The following NCAN variants were observed in gnomAD, a reference collection of about 807,000 sequenced individuals.
The protein encoded by NCAN is neurocan core protein.
In NCAN, 47 loss-of-function variants were observed where a neutral mutation model predicts 121.8. That is an observed-to-expected ratio of 0.39 (90% CI 0.31 to 0.49). The LOEUF (loss-of-function observed/expected upper bound fraction) is 0.49. Among genes scored for constraint, NCAN ranks in the 20% least tolerant of loss-of-function variants. The pLI, the probability that NCAN is intolerant of heterozygous loss-of-function variation, is 0.92. For synonymous variants in NCAN, 633 were observed against 702.0 expected, an observed-to-expected ratio of 0.90 and a Z score of 1.55; for missense variants, 1,517 against 1,773.4, an observed-to-expected ratio of 0.86 and a Z score of 2.60.
chr19:19,216,550 T>C (rs1205881802), intron 1 of NCAN, among the ~76,000 whole-genome samples: 5 of 152,146 alleles, frequency 3.3e-5, no homozygotes, highest in Admixed American at 2.6e-4. Flanking sequence ...GACCTCGTGA[T>C]CCACCCTCCT....
chr19:19,216,908 C>A, intron 1 of NCAN, 39 bp from the exon 2 acceptor site: 2 of 1,219,418 alleles, frequency 1.6e-6, no homozygotes, highest in Admixed American at 3.1e-5. Context: ...GAGGGTTGGG[C>A]TGTGGCTCAC....
Position 19,226,955 on chromosome 19 carries a change from G to A in NCAN, c.1542G>A (p.Glu514=), listed in dbSNP as rs755745722. The change falls in exon 7 of 15, where the codon GAG becomes GAA. Residue 514 remains glutamate (E), a synonymous_variant. Transcript: ENST00000252575. Reference sequence around the variant, plus strand: ...CCAGCGCCCAGCCCCCCACCTCAGAGGCTGCAGTGAACCAAATGGAGCCTC... The same window carrying A: ...CCAGCGCCCAGCCCCCCACCTCAGAAGCTGCAGTGAACCAAATGGAGCCTC... ...MEASAQPPTS[E]AAVNQMEPPL... 3 of 1,561,678 alleles carry A rather than the reference G, an allele frequency of 1.9e-6. No homozygotes were observed. Among genetic ancestry groups the A allele is most frequent in the Admixed American group, 1.9e-5 (1 of 52,220 alleles).
intron 12 of NCAN, among the ~76,000 whole-genome samples, chr19:19,241,346 T>G (rs56352336): frequency 6.6e-6 from 1 of 151,972 alleles, no homozygotes; most frequent in African/African-American, 2.4e-5. Flanking sequence ...GAGGATCACT[T>G]GAGCCCAGGA....
At chr19:19,213,123 C>CG (rs2060781378) in intron 1 of NCAN, among the ~76,000 whole-genome samples, 1 of 152,078 alleles carries the variant, frequency 6.6e-6, no homozygotes, top group African/African-American at 2.4e-5. Flanking sequence ...TGGGCCCCAG[C>CG]GGGGGACGTG....
At chr19:19,213,131 G>A (rs550073765) in intron 1 of NCAN, among the ~76,000 whole-genome samples, 45 of 152,276 alleles carry the variant, frequency 3.0e-4, no homozygotes, top group Middle Eastern at 3.4e-3. Flanking sequence ...AGCGGGGGAC[G>A]TGGGGGCAGG....
chr19:19,217,057 G>A lies in NCAN; in HGVS notation c.73+31G>A, dbSNP rs757727253. 1.5e-5 allele frequency: 19 copies of A among 1,305,460 alleles called. No individual in the cohort carries two copies. In the South Asian group the frequency reaches 3.5e-4, roughly 24 times the overall value. 80.9% of individuals were successfully genotyped at this position (1,305,460 alleles called of 1,614,324 possible). A position where few individuals can be genotyped will look rare whatever the true frequency, so the allele number is the denominator to read the frequency against. On this transcript the variant is annotated intron_variant, in intron 2 of 14. Coordinates refer to ENST00000252575, the MANE Select transcript of NCAN (RefSeq NM_004386.3). ...TTGGTTTGTGGGGAGGGAGAGATTG[G>A]GGTCTAGGGGATGGACAAGATGGGG...
At chr19:19,247,018 C>G (rs930534631) in intron 13 of NCAN, among the ~76,000 whole-genome samples, 2 of 152,002 alleles carry the variant, frequency 1.3e-5, no homozygotes, top group African/African-American at 4.8e-5. Flanking sequence ...TTATTTTATA[C>G]TTTGGTTTAT....
At chr19:19,241,909 C>G (rs10411761) in intron 12 of NCAN, among the ~76,000 whole-genome samples, 10,903 of 151,982 alleles carry the variant, frequency 0.072, 717 homozygotes, top group African/African-American at 0.17. Flanking sequence ...AATTTATACA[C>G]AGAGGCCGGG....
At chr19:19,247,370 T>C (rs1490505053) in intron 13 of NCAN, among the ~76,000 whole-genome samples, 2 of 152,106 alleles carry the variant, frequency 1.3e-5, no homozygotes, top group African/African-American at 4.8e-5. Flanking sequence ...TCTCCTGCCT[T>C]GGCCTCCTCA....
intron 14 of NCAN, 77 bp downstream of exon 14, chr19:19,248,959 A>C: frequency 1.3e-6 from 2 of 1,494,446 alleles, no homozygotes; most frequent in Non-Finnish European, 1.8e-6. Flanking sequence ...CTATTTCTCC[A>C]CACATTGATC....
chr19:19,225,182 A>C lies in NCAN; in HGVS notation c.984A>C (p.Pro328=). The change falls in exon 6 of 15, where the codon CCA becomes CCC. Residue 328 remains proline (P), a synonymous_variant. Coordinates refer to ENST00000252575, the MANE Select transcript of NCAN (RefSeq NM_004386.3). The surrounding 1 kb of genome is among the most constrained non-coding windows in gnomAD (Gnocchi z 4.0). The part of the protein sequence containing the change: ...IQTPRRRCGG[P]APGVRTVYRF... ...CGCCGCGCCGGCGCTGCGGGGGCCCAGCCCCGGGCGTGCGCACCGTCTACC... is the reference window on the plus strand; with the variant it reads ...CGCCGCGCCGGCGCTGCGGGGGCCCCGCCCCGGGCGTGCGCACCGTCTACC... The C allele has an allele frequency of 6.5e-7, 1 of 1,546,532 alleles. No homozygotes were observed. The highest frequency in any genetic ancestry group is 8.6e-7 in the Non-Finnish European group (1 of 1,157,666).
chr19:19,220,378 A>T (rs1193027100), intron 3 of NCAN, among the ~76,000 whole-genome samples: 1 of 151,920 alleles, frequency 6.6e-6, no homozygotes. Context: ...GCAATTTTTT[A>T]AAAGTAAGTT....
Position 19,240,789 on chromosome 19 carries a change from G to C in NCAN, c.3492+104G>C, listed in dbSNP as rs1236401482. On this transcript the variant is annotated intron_variant, in intron 12 of 14. Transcript: ENST00000252575. ...AAAGTTATCGCAATTGGGTGTCAGA[G>C]GTCTCTAGTGGCTCCAAGATGCTGG... 5 of 1,089,884 alleles carry C rather than the reference G, an allele frequency of 4.6e-6. No homozygotes were observed. In the African/African-American group the frequency reaches 7.7e-5, roughly 17 times the overall value. The allele number at this position is 1,089,884 out of a possible 1,614,324, so 67.5% of individuals were successfully genotyped here.
intron 11 of NCAN, 38 bp downstream of exon 11, chr19:19,238,449 T>G (rs1599820161): frequency 6.2e-7 from 1 of 1,612,524 alleles, no homozygotes; most frequent in Non-Finnish European, 8.5e-7. Flanking sequence ...GCCTGGAGGG[T>G]GGGCAGGGGT....
chr19:19,225,049 G>T lies in NCAN; in HGVS notation c.851G>T (p.Gly284Val). Residue 284 changes from glycine to valine, a missense_variant, in exon 6 of 15, where the codon GGT becomes GTT. By Grantham distance (109) the Gly-to-Val change is moderately radical. Coordinates refer to ENST00000252575, the MANE Select transcript of NCAN (RefSeq NM_004386.3). This position sits in a 1 kb window ranked among gnomAD's most constrained non-coding sequence, Gnocchi z 4.0. ...GCGCGTGCACAGTGCCGCCGCCAGG[G>T]TGCCGCGCTGGCCTCGGTGGGACAG... ...AGARAQCRRQ[G>V]AALASVGQLH... The T allele has an allele frequency of 6.6e-7, 1 of 1,510,748 alleles. No individual in the cohort carries two copies. Among genetic ancestry groups the T allele is most frequent in the Non-Finnish European group, 8.8e-7 (1 of 1,137,322 alleles). The allele number at this position is 1,510,748 out of a possible 1,614,324, so 93.6% of individuals were successfully genotyped here.
At position 19,224,332 on chromosome 19, in the gene NCAN, G is replaced by C. The variant is rs760609564; in HGVS notation, c.677G>C (p.Gly226Ala). The C allele has an allele frequency of 1.2e-6, 2 of 1,613,940 alleles. No individual in the cohort carries two copies. Among genetic ancestry groups the C allele is most frequent in the Admixed American group, 1.7e-5 (1 of 59,994 alleles). Residue 226 changes from glycine to alanine, a missense_variant, in exon 5 of 15, where the codon GGT (glycine) becomes GCT (alanine). Physicochemically the swap from Gly to Ala is moderately conservative, Grantham distance 60. Coordinates refer to ENST00000252575, the MANE Select transcript of NCAN (RefSeq NM_004386.3). ...TATCCTATCACCCAGTCCCGTCCTG[G>C]TTGCTATGGCGACCGTAGCAGCCTT... ...VRYPITQSRP[G>A]CYGDRSSLPG...
intron 14 of NCAN, 69 bp from the exon 15 acceptor site, chr19:19,249,697 C>T (rs1294149264): frequency 2.0e-6 from 3 of 1,534,790 alleles, no homozygotes; most frequent in Admixed American, 2.1e-5. Context: ...CCAAGGACAC[C>T]CGCTGCATCA....
At chr19:19,242,641 A>G (rs2060907966) in intron 12 of NCAN, among the ~76,000 whole-genome samples, 1 of 152,138 alleles carries the variant, frequency 6.6e-6, no homozygotes, top group African/African-American at 2.4e-5. Flanking sequence ...GTGAGCCGAG[A>G]TCGCGTCACT....
At chr19:19,217,246 A>G (rs1166852019) in intron 2 of NCAN, among the ~76,000 whole-genome samples, 1 of 152,230 alleles carries the variant, frequency 6.6e-6, no homozygotes, top group Non-Finnish European at 1.5e-5. Context: ...CCCGCCTCTC[A>G]TCGTTTTGCT....
Sources: gnomAD v4.1 joint callset for allele counts (sites outside exome capture counted in the v4.1 genomes callset) on GRCh38, gnomAD v4.1.1 for gene constraint, Gnocchi (gnomAD v3.1) non-coding constraint, MANE v1.5 for transcripts, NCBI Gene and HGNC (gene_info 2026-07-23, HGNC 2026-07-21) for gene names.